GSPT1: variants seen among roughly 807,000 people sequenced by gnomAD.
GSPT1 encodes the protein G1 to S phase transition 1.
In GSPT1, 20 loss-of-function variants were observed where a neutral mutation model predicts 72.5. The ratio of observed to expected loss-of-function variants is 0.28; its 90% confidence interval spans 0.19 to 0.40. GSPT1 has a LOEUF of 0.40. GSPT1 is among the 10% of genes least tolerant of loss of function. The probability of loss-of-function intolerance (pLI) is 1.00; values close to 1 mark genes in which losing one functional copy is unlikely to be tolerated. For missense variants in GSPT1, 580 were observed against 811.9 expected (o/e 0.71, Z 3.47); for synonymous variants, 334 against 293.5 (o/e 1.14, Z -1.41).
At chr16:11,915,300 G>A (rs1596480494) in intron 1 of GSPT1, 69 bp downstream of exon 1, 7 of 1,340,242 alleles carry the variant, frequency 5.2e-6, no homozygotes, top group Non-Finnish European at 6.7e-6. Context: ...GCGCGCCCCC[G>A]GACCGCACCC....
rs1162660310 is a variant in GSPT1, at chr16:11,877,482, T to C, written c.1527A>G (p.Glu509=). 1 of 1,611,368 alleles carries C rather than the reference T, an allele frequency of 6.2e-7. No individual in the cohort carries two copies. Among genetic ancestry groups the C allele is most frequent in the Non-Finnish European group, 8.5e-7 (1 of 1,177,722 alleles). Residue 509 remains glutamate, a synonymous_variant, in exon 12 of 15, where the codon GAA becomes GAG. Coordinates refer to ENST00000434724, the MANE Select transcript of GSPT1 (RefSeq NM_002094.4). The surrounding 1 kb of genome is among the most constrained non-coding windows in gnomAD (Gnocchi z 4.0). Reference sequence around the variant, plus strand: ...GTATAAACCCTGGAAGAATCTCCTCTTCTTCAATTCCTTTCAGTCTGATTT... The same window carrying C: ...GTATAAACCCTGGAAGAATCTCCTCCTCTTCAATTCCTTTCAGTCTGATTT... ...NLKIRLKGIE[E]EEILPGFILC... is the part of the protein sequence containing the mutation.
chr16:11,903,247 A>C (rs2054439346), intron 1 of GSPT1, among the ~76,000 whole-genome samples: 1 of 152,124 alleles, frequency 6.6e-6, no homozygotes, highest in African/African-American at 2.4e-5. Flanking sequence ...ACGGTGGCTC[A>C]TGACTATAAT....
chr16:11,913,762 T>G (rs1023165513), intron 1 of GSPT1, among the ~76,000 whole-genome samples: 12 of 152,212 alleles, frequency 7.9e-5, no homozygotes, highest in African/African-American at 1.9e-4. Context: ...TCAAAATGGC[T>G]TGATGTAAGT....
intron 11 of GSPT1, chr16:11,881,673 T>C (rs895882278): frequency 6.9e-6 from 1 of 145,150 alleles, no homozygotes; most frequent in Admixed American, 7.1e-5. Context: ...TTTTTTTTTT[T>C]AGTAAAGGTC....
At chr16:11,883,992 C>T (rs2054156988) in intron 10 of GSPT1, among the ~76,000 whole-genome samples, 1 of 151,762 alleles carries the variant, frequency 6.6e-6, no homozygotes, top group Admixed American at 6.6e-5. Context: ...TTCAGGTTCT[C>T]CTGATCTCTA....
chr16:11,878,225 C>G (rs1386458956), intron 11 of GSPT1, among the ~76,000 whole-genome samples: 1 of 152,280 alleles, frequency 6.6e-6, no homozygotes, highest in East Asian at 1.9e-4. Flanking sequence ...AAGCCATTCT[C>G]CTGCCTCAGC....
intron 5 of GSPT1, among the ~76,000 whole-genome samples, chr16:11,894,155 C>CAAAAAAAAAAA (rs57226427): frequency 6.1e-4 from 26 of 42,672 alleles, no homozygotes; most frequent in African/African-American, 2.3e-3. Context: ...GACCCTATCT[C>CAAAAAAAAAAA]AAAAAAAAAA....
At chr16:11,896,863 A>G (rs1357518080) in intron 3 of GSPT1, 78 bp from the exon 4 acceptor site, 5 of 958,732 alleles carry the variant, frequency 5.2e-6, no homozygotes, top group Non-Finnish European at 8.0e-6. Context: ...CTTTAAAACA[A>G]CAAATGGAAG....
At chr16:11,906,148 C>T (rs1180990309) in intron 1 of GSPT1, among the ~76,000 whole-genome samples, 1 of 152,028 alleles carries the variant, frequency 6.6e-6, no homozygotes, top group African/African-American at 2.4e-5. Flanking sequence ...GTGGCACAAT[C>T]TGGGCTCACT....
chr16:11,907,089 C>T (rs1279821730), intron 1 of GSPT1, among the ~76,000 whole-genome samples: 1 of 152,164 alleles, frequency 6.6e-6, no homozygotes, highest in African/African-American at 2.4e-5. Flanking sequence ...TATTTTACAT[C>T]AACACTTGCT....
At chr16:11,902,411 A>G (rs1247470183) in intron 1 of GSPT1, among the ~76,000 whole-genome samples, 15 of 150,708 alleles carry the variant, frequency 1.0e-4, no homozygotes, top group South Asian at 6.2e-4. Context: ...TCTCAAAAAA[A>G]AAAAAAAAAA....
intron 1 of GSPT1, chr16:11,915,141 G>A (rs1444739335): frequency 5.7e-6 from 6 of 1,049,178 alleles, no homozygotes; most frequent in Admixed American, 5.0e-5. Flanking sequence ...ACTCGGGTCC[G>A]GGTCTTTGGG....
At chr16:11,894,089 G>A (rs1278203474) in intron 5 of GSPT1, among the ~76,000 whole-genome samples, 2 of 142,796 alleles carry the variant, frequency 1.4e-5, no homozygotes, top group Non-Finnish European at 3.0e-5. Context: ...CCAGGAGGTC[G>A]AGGCTGCAGT....
intron 7 of GSPT1, 72 bp downstream of exon 7, chr16:11,887,498 A>T (rs1198931967): frequency 1.6e-6 from 2 of 1,252,424 alleles, no homozygotes; most frequent in Non-Finnish European, 2.3e-6. Flanking sequence ...CTTTTAGAAG[A>T]TAAATTCAAA....
In GSPT1 at chr16:11,871,557, CCT is replaced by C. The variant is rs1470230492; in HGVS notation, c.*1560_*1561del. On this transcript the variant is annotated 3_prime_UTR_variant, in exon 15 of 15. Coordinates refer to ENST00000434724, the MANE Select transcript of GSPT1 (RefSeq NM_002094.4). ...ACTCCAGCCTAGGTGACAGAGTGAG[CCT>C]CTGTCTCAAAACAAAACAAAACACC... 6.6e-6 allele frequency: 1 copy of C among 151,910 alleles called. No homozygotes were observed. The highest frequency in any genetic ancestry group is 1.5e-5 in the Non-Finnish European group (1 of 68,002). The allele number at this position is 151,910 out of a possible 1,614,324, so 9.4% of individuals were successfully genotyped here.
intron 6 of GSPT1, 190 bp downstream of exon 6, chr16:11,890,872 C>G: frequency 2.5e-6 from 1 of 398,106 alleles, no homozygotes; most frequent in Non-Finnish European, 4.5e-6. Context: ...GGATTGTTTC[C>G]AAATTTCTCT....
chr16:11,900,999 G>GAAAAACA (rs374928660), intron 1 of GSPT1, among the ~76,000 whole-genome samples: 2 of 150,728 alleles, frequency 1.3e-5, no homozygotes, highest in African/African-American at 2.4e-5. Flanking sequence ...ACCAAAAAAA[G>GAAAAACA]AAAAACAAAA....
chr16:11,896,639 T>G lies in GSPT1; in HGVS notation c.583A>C (p.Ile195Leu). 1 of 1,609,892 alleles carries G rather than the reference T, an allele frequency of 6.2e-7. No individual in the cohort carries two copies. The highest frequency in any genetic ancestry group is 1.1e-5 in the South Asian group (1 of 89,946). Reference sequence around the variant, plus strand: ...GCAACCACAGACTTAGGTTTTGGGATTTCCTCTTCCTCCTCCATCATTTCA... The same window carrying G: ...GCAACCACAGACTTAGGTTTTGGGAGTTCCTCTTCCTCCTCCATCATTTCA... Reference protein sequence around the residue: ...AHEMMEEEEEIPKPKSVVAPP... With the variant: ...AHEMMEEEEELPKPKSVVAPP... The change falls in exon 4 of 15, where the codon ATC (isoleucine) becomes CTC (leucine). Residue 195 changes from isoleucine (I) to leucine (L), a missense_variant. Transcript: ENST00000434724.
intron 1 of GSPT1, among the ~76,000 whole-genome samples, chr16:11,914,778 T>C (rs995776388): frequency 6.6e-6 from 1 of 152,206 alleles, no homozygotes; most frequent in African/African-American, 2.4e-5. Flanking sequence ...AAACAGATCT[T>C]GGTATTGATA....
Sources: gnomAD v4.1 joint callset for allele counts (sites outside exome capture counted in the v4.1 genomes callset) on GRCh38, gnomAD v4.1.1 for gene constraint, Gnocchi (gnomAD v3.1) non-coding constraint, MANE v1.5 for transcripts, NCBI Gene and HGNC (gene_info 2026-07-23, HGNC 2026-07-21) for gene names.